The following RBM34 variants were observed in gnomAD, a reference collection of about 807,000 sequenced individuals.
RBM34 encodes the protein RNA-binding protein 34.
RBM34 carries 39 observed loss-of-function variants against 44.6 expected under a neutral mutation model. The ratio of observed to expected loss-of-function variants is 0.87; its 90% confidence interval spans 0.68 to 1.14. RBM34 has a LOEUF of 1.14. RBM34 is among the 50% of genes most tolerant of loss of function. The pLI, the probability that RBM34 is intolerant of heterozygous loss-of-function variation, is 0.00. For synonymous variants in RBM34, 194 were observed against 184.0 expected (o/e 1.05, Z -0.44); for missense variants, 572 against 517.9 (o/e 1.10, Z -1.01).
In RBM34 at chr1:235,148,411, C is replaced by T. The variant is rs776193387; in HGVS notation, c.694G>A (p.Ala232Thr). 1.9e-6 allele frequency: 3 copies of T among 1,595,464 alleles called. No homozygotes were observed. Among genetic ancestry groups the T allele is most frequent in the East Asian group, 4.5e-5 (2 of 44,352 alleles). Residue 232 changes from alanine to threonine, a missense_variant, in exon 6 of 11, where the codon GCA becomes ACA. Physicochemically the swap from Ala to Thr is moderately conservative, Grantham distance 58 (BLOSUM62 0). Transcript: ENST00000408888. ...AEGTLSKKLAAIKRKIHPDQK... is the reference protein window; with the variant it reads ...AEGTLSKKLATIKRKIHPDQK... ...CTCTAATTATAAACTTACTTTATTG[C>T]TGCCAACTTTTTGGATAGCGTTCCC...
intron 6 of RBM34, among the ~76,000 whole-genome samples, chr1:235,147,129 A>G (rs893610511): frequency 1.3e-5 from 2 of 152,286 alleles, no homozygotes; most frequent in Admixed American, 1.3e-4. Flanking sequence ...TACTGGGGAC[A>G]CTGAGATGGA....
chr1:235,152,396 C>T (rs2273741), intron 5 of RBM34: 246,705 of 834,936 alleles, frequency 0.3, 39,262 homozygotes, highest in South Asian at 0.53. Context: ...AGGATTCCAG[C>T]AATGATAATC....
intron 5 of RBM34, among the ~76,000 whole-genome samples, chr1:235,150,512 A>G (rs949559608): frequency 1.3e-5 from 2 of 152,208 alleles, no homozygotes; most frequent in Non-Finnish European, 1.5e-5. Context: ...CCACATACTG[A>G]AAAATACTTT....
At chr1:235,148,509 T>C (rs1214884801) in intron 5 of RBM34, 62 bp from the exon 6 acceptor site, 3 of 1,331,694 alleles carry the variant, frequency 2.3e-6, no homozygotes, top group Non-Finnish European at 3.1e-6. Flanking sequence ...AAATTAATAT[T>C]TTAAGTGAAG....
At chr1:235,154,493 G>A (rs1194020292) in intron 4 of RBM34, among the ~76,000 whole-genome samples, 1 of 152,170 alleles carries the variant, frequency 6.6e-6, no homozygotes, top group Non-Finnish European at 1.5e-5. Context: ...GAGTCCAGGA[G>A]TTTGAGGCTG....
intron 5 of RBM34, among the ~76,000 whole-genome samples, chr1:235,152,090 T>C (rs1662186266): frequency 6.6e-6 from 1 of 152,052 alleles, no homozygotes; most frequent in Admixed American, 6.6e-5. Context: ...AATTATGTAA[T>C]AGTGCCCAAA....
intron 6 of RBM34, among the ~76,000 whole-genome samples, chr1:235,145,671 T>C (rs1472724669): frequency 6.6e-6 from 1 of 152,206 alleles, no homozygotes; most frequent in East Asian, 1.9e-4. Flanking sequence ...CAGTCAAAAT[T>C]GTGAATGCAA....
chr1:235,133,144 C>T (rs1410185270), intron 10 of RBM34, among the ~76,000 whole-genome samples: 1 of 152,086 alleles, frequency 6.6e-6, no homozygotes, highest in Non-Finnish European at 1.5e-5. Context: ...AAGTTGGAGA[C>T]CAGCCTGAGA....
chr1:235,138,491 C>G (rs1035317069), intron 6 of RBM34, among the ~76,000 whole-genome samples: 1 of 152,238 alleles, frequency 6.6e-6, no homozygotes, highest in African/African-American at 2.4e-5. Flanking sequence ...CAGTCCGTAT[C>G]TAACACACAT....
At chr1:235,136,206 T>C in intron 8 of RBM34, 133 bp from the exon 9 acceptor site, 2 of 727,272 alleles carry the variant, frequency 2.7e-6, no homozygotes, top group Admixed American at 5.4e-5. Context: ...CACATCATGT[T>C]CTTTGATTCT....
intron 4 of RBM34, among the ~76,000 whole-genome samples, 194 bp from the exon 5 acceptor site, chr1:235,152,959 C>G (rs1175965570): frequency 6.6e-6 from 1 of 151,700 alleles, no homozygotes; most frequent in Non-Finnish European, 1.5e-5. Flanking sequence ...ACCTCCGCCC[C>G]CACGGCTTCA....
intron 4 of RBM34, 46 bp from the exon 5 acceptor site, chr1:235,152,811 C>A: frequency 7.0e-7 from 1 of 1,423,270 alleles, no homozygotes. Context: ...TTCAGAACAT[C>A]AAATAAGTGC....
intron 6 of RBM34, among the ~76,000 whole-genome samples, chr1:235,138,531 C>A (rs1410836842): frequency 6.6e-6 from 1 of 152,168 alleles, no homozygotes; most frequent in Non-Finnish European, 1.5e-5. Flanking sequence ...GTGAGTTTTC[C>A]TCTTTACTGT....
intron 10 of RBM34, among the ~76,000 whole-genome samples, chr1:235,135,216 T>A (rs772457963): frequency 3.0e-5 from 4 of 135,452 alleles, no homozygotes; most frequent in Admixed American, 7.2e-5. Context: ...GGCTAATTTT[T>A]AAATTTTTTG....
chr1:235,137,481 G>A (rs1057166326), intron 8 of RBM34, among the ~76,000 whole-genome samples: 5 of 151,902 alleles, frequency 3.3e-5, no homozygotes, highest in Admixed American at 3.3e-4. Flanking sequence ...CTCAGGTGGT[G>A]CTCCCACCTC....
At position 235,160,904 on chromosome 1, in the gene RBM34, G is replaced by A. The variant is rs181926176; in HGVS notation, c.217C>T (p.Pro73Ser). The change falls in exon 2 of 11, where the codon CCT becomes TCT. Residue 73 changes from proline to serine, a missense_variant. Coordinates refer to ENST00000408888, the MANE Select transcript of RBM34 (RefSeq NM_015014.4). ...GCCCAGTGACTTACTTTAGGCACAG[G>A]CACGTACACGGGTTGAATCTGGGGC... ...LEPQIQPVYV[P>S]VPKQTIKKTK... 4.1e-4 allele frequency: 665 copies of A among 1,614,092 alleles called. 5 individuals are homozygous for A. The highest frequency in any genetic ancestry group is 2.8e-3 in the Admixed American group (168 of 60,008).
Position 235,131,762 on chromosome 1 carries a change from T to C in RBM34, c.1244A>G (p.Lys415Arg), listed in dbSNP as rs551130155. The C allele has an allele frequency of 1.9e-6, 3 of 1,611,026 alleles. No individual in the cohort carries two copies. Among genetic ancestry groups the C allele is most frequent in the Admixed American group, 1.7e-5 (1 of 59,114 alleles). ...AGGGCGTCCACTTTTCTTCTGTCCT[T>C]TCTTCTTCGTTTTAAGGAGAACAGC... ...EKAVLLKTKK[K>R]GQKKSGRPKK... Residue 415 changes from lysine to arginine, a missense_variant, in exon 11 of 11, where the codon AAA becomes AGA. Lys to Arg is a conservative substitution (Grantham distance 26). Coordinates refer to ENST00000408888, the MANE Select transcript of RBM34 (RefSeq NM_015014.4).
chr1:235,154,118 C>T (rs1662290920), intron 4 of RBM34, among the ~76,000 whole-genome samples: 1 of 152,090 alleles, frequency 6.6e-6, no homozygotes, highest in South Asian at 2.1e-4. Flanking sequence ...TGGTGGCGGG[C>T]GCTTGTAGTC....
chr1:235,155,828 T>TATATATATATAC (rs1662392164), intron 3 of RBM34, among the ~76,000 whole-genome samples: 3 of 15,892 alleles, frequency 1.9e-4, no homozygotes, highest in South Asian at 0.01. Context: ...TATACATATA[T>TATATATATATAC]ATATATATAT....
Sources: allele counts gnomAD v4.1 joint callset (sites outside exome capture counted in the v4.1 genomes callset), GRCh38; gene constraint gnomAD v4.1.1; transcripts MANE v1.5; gene names NCBI Gene and HGNC (gene_info 2026-07-23, HGNC 2026-07-21).